The following GRIK2 variants were observed in gnomAD, a reference collection of about 807,000 sequenced individuals.
GRIK2 encodes the protein glutamate ionotropic receptor kainate type subunit 2, also known as glutamate receptor ionotropic, kainate 2.
A neutral mutation model predicts 100.3 loss-of-function variants in GRIK2; 32 were observed. The observed-to-expected ratio is 0.32, with a 90% CI of 0.24 to 0.43. The LOEUF is 0.43. GRIK2 is among the 20% of genes least tolerant of loss of function. GRIK2 has a pLI of 1.00. For missense variants in GRIK2, 843 were observed against 1,114.9 expected (o/e 0.76, Z 3.47); for synonymous variants, 417 against 389.4 (o/e 1.07, Z -0.83).
At chr6:101,987,827 T>A (rs187795267) in intron 14 of GRIK2, among the ~76,000 whole-genome samples, 76 of 151,768 alleles carry the variant, frequency 5.0e-4, no homozygotes, top group Non-Finnish European at 9.0e-4. Flanking sequence ...TCTAACAGAT[T>A]TAAATTTTTT....
At chr6:101,761,769 TTCCCTCCC>T (rs762633014) in intron 7 of GRIK2, among the ~76,000 whole-genome samples, 24 of 122,972 alleles carry the variant, frequency 2.0e-4, no homozygotes, top group African/African-American at 6.9e-4. Flanking sequence ...ATGCCCCCAT[TTCCCTCCC>T]TCCCTCCCTC....
At chr6:101,744,416 C>T (rs1776249091) in intron 7 of GRIK2, among the ~76,000 whole-genome samples, 1 of 150,548 alleles carries the variant, frequency 6.6e-6, no homozygotes, top group Non-Finnish European at 1.5e-5. Flanking sequence ...ATAATGGTCT[C>T]CAATTCCACG....
At chr6:101,791,523 T>C (rs1294618499) in intron 7 of GRIK2, among the ~76,000 whole-genome samples, 2 of 152,174 alleles carry the variant, frequency 1.3e-5, no homozygotes, top group Non-Finnish European at 2.9e-5. Context: ...CGGTTTTGAG[T>C]GAGTTTCTTA....
chr6:101,693,088 C>A (rs1485054793), intron 7 of GRIK2, among the ~76,000 whole-genome samples: 1 of 152,030 alleles, frequency 6.6e-6, no homozygotes, highest in African/African-American at 2.4e-5. Flanking sequence ...TAGAACATTT[C>A]GTCTAATTGC....
chr6:101,683,034 C>T (rs900986618), intron 6 of GRIK2, among the ~76,000 whole-genome samples: 10 of 152,060 alleles, frequency 6.6e-5, no homozygotes, highest in African/African-American at 2.2e-4. Flanking sequence ...TGAAACCCAT[C>T]TCTACTAAAA....
intron 2 of GRIK2, among the ~76,000 whole-genome samples, chr6:101,569,001 A>G (rs1013197744): frequency 6.6e-6 from 1 of 152,024 alleles, no homozygotes; most frequent in Admixed American, 6.6e-5. Flanking sequence ...AATTACAAAG[A>G]CAAGGACCCT....
intron 2 of GRIK2, among the ~76,000 whole-genome samples, chr6:101,444,069 T>TTTTGTTTGTTTG (rs374486097): frequency 4.0e-4 from 58 of 145,464 alleles, no homozygotes; most frequent in African/African-American, 1.4e-3. Flanking sequence ...TTCCGGGTTT[T>TTTTGTTTGTTTG]TTTGTTTGTT....
intron 2 of GRIK2, among the ~76,000 whole-genome samples, chr6:101,499,507 C>T (rs1051084212): frequency 8.6e-5 from 13 of 152,014 alleles, no homozygotes; most frequent in Non-Finnish European, 1.5e-4. Context: ...TATTTAAGTA[C>T]TTTTTAATGT....
rs906511587 is a variant in GRIK2, at chr6:101,922,076, T to TTTCCTTCC, written c.1749-2468_1749-2461dup. Among the ~76,000 whole-genome samples, 310 of 110,282 alleles carry TTTCCTTCC rather than the reference T, an allele frequency of 2.8e-3. 4 individuals carry two copies. Among genetic ancestry groups the TTTCCTTCC allele is most frequent in the Non-Finnish European group, 4.1e-3 (208 of 50,148 alleles). 72.3% of individuals were successfully genotyped at this position (110,282 alleles called of 152,430 possible). A position where few individuals can be genotyped will look rare whatever the true frequency, so the allele number is the denominator to read the frequency against. ...GATTCTTCCTTCCTACCTTTCTCCATTTCCTTCCTTCCTTCCTTCCTTCCT... is the reference window on the plus strand; with the variant it reads ...GATTCTTCCTTCCTACCTTTCTCCATTTCCTTCCTTCCTTCCTTCCTTCCTTCCTTCCT... On this transcript the variant is annotated intron_variant, in intron 12 of 16. Coordinates refer to ENST00000369134, the MANE Select transcript of GRIK2 (RefSeq NM_021956.5).
chr6:101,888,445 T>A (rs1786811478), intron 11 of GRIK2, among the ~76,000 whole-genome samples: 1 of 152,206 alleles, frequency 6.6e-6, no homozygotes, highest in Non-Finnish European at 1.5e-5. Context: ...ATTATTGTTT[T>A]AAATTGATAT....
chr6:101,905,250 C>T (rs908430050), intron 12 of GRIK2, among the ~76,000 whole-genome samples: 1 of 151,464 alleles, frequency 6.6e-6, no homozygotes, highest in African/African-American at 2.4e-5. Flanking sequence ...TTGAATGGCT[C>T]ATCTTAAAAT....
chr6:101,570,906 G>A (rs922717525), intron 2 of GRIK2, among the ~76,000 whole-genome samples: 1 of 152,046 alleles, frequency 6.6e-6, no homozygotes, highest in Non-Finnish European at 1.5e-5. Flanking sequence ...GACATGAAAA[G>A]GTAAATTAAA....
At chr6:101,740,781 G>C (rs531614591) in intron 7 of GRIK2, among the ~76,000 whole-genome samples, 1 of 152,302 alleles carries the variant, frequency 6.6e-6, no homozygotes, top group Non-Finnish European at 1.5e-5. Context: ...AAGGAAGCAA[G>C]AGGGGGTGGT....
chr6:101,571,176 C>T lies in GRIK2; in HGVS notation c.116-50773C>T, dbSNP rs538756145. ...CAAAAATGAAAGCAATATCCTTTAA[C>T]TTGCATGTTTAGTCACAGTGATCAG... On this transcript the variant is annotated intron_variant, in intron 2 of 16. Coordinates refer to ENST00000369134, the MANE Select transcript of GRIK2 (RefSeq NM_021956.5). 9.9e-5 allele frequency among the ~76,000 whole-genome samples: 15 copies of T among 152,210 alleles called. No individual in the cohort carries two copies. The South Asian group carries it at 2.9e-3, about 29-fold the overall frequency.
At chr6:101,792,891 G>A (rs2128409221) in intron 7 of GRIK2, among the ~76,000 whole-genome samples, 1 of 152,108 alleles carries the variant, frequency 6.6e-6, no homozygotes, top group Admixed American at 6.5e-5. Flanking sequence ...ATATTTCTTG[G>A]AGGCTTTGTT....
intron 15 of GRIK2, among the ~76,000 whole-genome samples, chr6:102,039,634 T>C (rs1770462136): frequency 6.6e-6 from 1 of 151,518 alleles, no homozygotes; most frequent in East Asian, 1.9e-4. Context: ...ATTGCTTCTC[T>C]CCTGACTGCC....
rs1789700875 is a variant in GRIK2, at chr6:101,923,727, C to T, written c.1749-874C>T. Among the ~76,000 whole-genome samples the T allele has an allele frequency of 2.6e-5, 4 of 151,904 alleles. No individual in the cohort carries two copies. In the South Asian group the frequency reaches 8.3e-4, roughly 32 times the overall value. On this transcript the variant is annotated intron_variant, in intron 12 of 16. Transcript: ENST00000369134. ...TCTGAGCTCAGGAGTTTGAGACCAGCCTGGGCAACACAGTGAAACCCTGTC... is the reference window on the plus strand; with the variant it reads ...TCTGAGCTCAGGAGTTTGAGACCAGTCTGGGCAACACAGTGAAACCCTGTC...
At position 101,564,677 on chromosome 6, in the gene GRIK2, C is replaced by T. The variant is rs12525204; in HGVS notation, c.116-57272C>T. Among the ~76,000 whole-genome samples, 419 of 152,280 alleles carry T rather than the reference C, an allele frequency of 2.8e-3. 10 individuals are homozygous for T. Among genetic ancestry groups the T allele is most frequent in the Admixed American group, 0.025 (381 of 15,274 alleles). ...CTTGCGCTATATAAACCCCACTGCA[C>T]TTCTCCACCAGATTAACTTCTTCAT... On this transcript the variant is annotated intron_variant, in intron 2 of 16. Coordinates refer to ENST00000369134, the MANE Select transcript of GRIK2 (RefSeq NM_021956.5).
intron 2 of GRIK2, among the ~76,000 whole-genome samples, chr6:101,444,710 C>T (rs1454805366): frequency 6.6e-6 from 1 of 152,064 alleles, no homozygotes; most frequent in Non-Finnish European, 1.5e-5. Flanking sequence ...AGAAAAAAGA[C>T]TCACATGGTT....
Sources: gnomAD v4.1 joint callset for allele counts (sites outside exome capture counted in the v4.1 genomes callset) on GRCh38, gnomAD v4.1.1 for gene constraint, MANE v1.5 for transcripts, NCBI Gene and HGNC (gene_info 2026-07-23, HGNC 2026-07-21) for gene names.